Variants in KIAA2012 observed in about 807,000 individuals in gnomAD.
KIAA2012 encodes uncharacterized protein KIAA2012.
Under a neutral mutation model 150.6 loss-of-function variants are expected in KIAA2012, and 125 were observed. The ratio of observed to expected loss-of-function variants is 0.83; its 90% CI spans 0.72 to 0.96. The LOEUF (loss-of-function observed/expected upper bound fraction) is 0.96, where lower values mean the gene tolerates loss of function less well. Among genes scored for constraint, KIAA2012 ranks in the 40% least tolerant of loss-of-function variants. KIAA2012 has a pLI of 0.00. For synonymous variants in KIAA2012, 462 were observed against 504.7 expected (o/e 0.92, Z 1.13); for missense variants, 1,219 against 1,354.9 (o/e 0.90, Z 1.57).
In KIAA2012 at chr2:202,138,433, A is replaced by C. The variant is rs1344114960; in HGVS notation, c.1833A>C (p.Ala611=). 6.4e-7 allele frequency: 1 copy of C among 1,550,504 alleles called. No individual in the cohort carries two copies. Among genetic ancestry groups the C allele is most frequent in the Non-Finnish European group, 8.7e-7 (1 of 1,146,860 alleles). The change falls in exon 13 of 24, where the codon GCA becomes GCC. Residue 611 remains alanine (A), a splice_region_variant and synonymous_variant. Transcript: ENST00000498697. ...TTTCCTCTTTGATTTTCACTACAGCAAACACTGAACCTAGAGCCAATCTTC... is the reference window on the plus strand; with the variant it reads ...TTTCCTCTTTGATTTTCACTACAGCCAACACTGAACCTAGAGCCAATCTTC... The part of the protein sequence containing the change: ...EGPSSQHFLK[A]NTEPRANLHM...
At position 202,105,976 on chromosome 2, in the gene KIAA2012, A is replaced by G. The variant is rs141786471; in HGVS notation, c.1474+66A>G. 35 of 1,550,172 alleles carry G rather than the reference A, an allele frequency of 2.3e-5. 1 individual carries two copies. The East Asian group carries it at 8.3e-4, about 37-fold the overall frequency. Reference sequence around the variant, plus strand: ...TCTGAAGGGAAGCAAGGCAAGACACACAAGGGTCCACAGCCAAGGAAAAGG... The same window carrying G: ...TCTGAAGGGAAGCAAGGCAAGACACGCAAGGGTCCACAGCCAAGGAAAAGG... On this transcript the variant is annotated intron_variant, in intron 9 of 23. Transcript: ENST00000498697.
At chr2:202,162,473 C>G (rs1239143356) in intron 14 of KIAA2012, among the ~76,000 whole-genome samples, 1 of 151,734 alleles carries the variant, frequency 6.6e-6, no homozygotes, top group African/African-American at 2.4e-5. Context: ...CAGGATTTCA[C>G]CATGTTAGCC....
At chr2:202,081,029 A>G (rs959547748) in intron 2 of KIAA2012, among the ~76,000 whole-genome samples, 1 of 152,122 alleles carries the variant, frequency 6.6e-6, no homozygotes, top group Non-Finnish European at 1.5e-5. Context: ...CCCTGCAACC[A>G]TATTTCTGCT....
intron 19 of KIAA2012, among the ~76,000 whole-genome samples, chr2:202,190,839 C>CT (rs768500885): frequency 6.6e-4 from 101 of 152,194 alleles, no homozygotes; most frequent in Admixed American, 1.1e-3. Flanking sequence ...GCTGTCAGAG[C>CT]TGAGCATATT....
intron 22 of KIAA2012, among the ~76,000 whole-genome samples, chr2:202,199,055 T>C (rs1692464864): frequency 6.6e-6 from 1 of 152,152 alleles, no homozygotes; most frequent in Non-Finnish European, 1.5e-5. Context: ...GTTCCAACTT[T>C]CCACACGAGA....
intron 18 of KIAA2012, among the ~76,000 whole-genome samples, chr2:202,189,270 A>G (rs1399197476): frequency 6.7e-6 from 1 of 150,164 alleles, no homozygotes; most frequent in Non-Finnish European, 1.5e-5. Context: ...TCCTGCCCCC[A>G]CCATAAGTCA....
chr2:202,191,398 G>A (rs1199470132), intron 19 of KIAA2012, among the ~76,000 whole-genome samples: 1 of 151,752 alleles, frequency 6.6e-6, no homozygotes, highest in South Asian at 2.1e-4. Context: ...GCTGCAATTC[G>A]GCCGGATGCA....
intron 22 of KIAA2012, chr2:202,201,888 G>A: frequency 1.9e-6 from 2 of 1,080,296 alleles, no homozygotes; most frequent in Admixed American, 1.7e-5. Flanking sequence ...GCTGTTCATG[G>A]TGGCTGCAGG....
In KIAA2012 at chr2:202,167,940, TTATG is replaced by T. The variant is rs544903647; in HGVS notation, c.2119+2587_2119+2590del. 4.0e-3 allele frequency among the ~76,000 whole-genome samples: 606 copies of T among 152,166 alleles called. 2 individuals are homozygous for T. Among genetic ancestry groups the T allele is most frequent in the Non-Finnish European group, 6.8e-3 (465 of 67,980 alleles). On this transcript the variant is annotated intron_variant, in intron 15 of 23. Coordinates refer to ENST00000498697, the MANE Select transcript of KIAA2012 (RefSeq NM_001277372.4). ...GCATCATTGTGATCAAGAGTACTGA[TTATG>T]TAGTCTGATTCCCAGGGTTCAAGTT...
At chr2:202,173,697 C>T (rs1423188558) in intron 15 of KIAA2012, among the ~76,000 whole-genome samples, 1 of 152,128 alleles carries the variant, frequency 6.6e-6, no homozygotes, top group Middle Eastern at 3.2e-3. Flanking sequence ...TAACAATACA[C>T]ACAACTGAAT....
chr2:202,132,747 A>AGTATATATGTGTATATAT (rs1553556814), intron 12 of KIAA2012, among the ~76,000 whole-genome samples: 1 of 104,370 alleles, frequency 9.6e-6, no homozygotes, highest in African/African-American at 3.8e-5. Flanking sequence ...GTATATATAT[A>AGTATATATGTGTATATAT]GTATATATGT....
intron 2 of KIAA2012, among the ~76,000 whole-genome samples, chr2:202,076,487 A>G (rs1372180697): frequency 2.6e-5 from 4 of 152,224 alleles, no homozygotes; most frequent in South Asian, 2.1e-4. Context: ...TGAATGCCCA[A>G]TGCTCTTTAA....
intron 14 of KIAA2012, among the ~76,000 whole-genome samples, chr2:202,164,096 C>T (rs73992853): frequency 0.046 from 7,037 of 152,056 alleles, 562 homozygotes; most frequent in African/African-American, 0.16. Context: ...AGGGTAAACC[C>T]GGAGAGACTT....
intron 15 of KIAA2012, among the ~76,000 whole-genome samples, chr2:202,170,907 G>T (rs539125772): frequency 6.6e-6 from 1 of 152,140 alleles, no homozygotes; most frequent in Non-Finnish European, 1.5e-5. Context: ...GCAGGCCTTG[G>T]TATCCCTATT....
At chr2:202,180,795 A>G (rs1401468435) in intron 15 of KIAA2012, among the ~76,000 whole-genome samples, 1 of 152,234 alleles carries the variant, frequency 6.6e-6, no homozygotes, top group East Asian at 1.9e-4. Context: ...ACTGCACTCC[A>G]GCCTGGGCGA....
chr2:202,140,846 C>T lies in KIAA2012; in HGVS notation c.1908+2338C>T, dbSNP rs181167494. Among the ~76,000 whole-genome samples, 8 of 152,244 alleles carry T rather than the reference C, an allele frequency of 5.3e-5. No homozygotes were observed. In the East Asian group the frequency reaches 9.7e-4, roughly 18 times the overall value. ...ATCACAATACTGATCTTAGCAGCACCGTTCCTTTCCATCAGTTCCCCCACT... is the reference window on the plus strand; with the variant it reads ...ATCACAATACTGATCTTAGCAGCACTGTTCCTTTCCATCAGTTCCCCCACT... On this transcript the variant is annotated intron_variant, in intron 13 of 23. Transcript: ENST00000498697.
chr2:202,126,656 G>A (rs1690798802), intron 12 of KIAA2012, among the ~76,000 whole-genome samples: 1 of 140,980 alleles, frequency 7.1e-6, no homozygotes, highest in Non-Finnish European at 1.5e-5. Context: ...GGTGGTGGTG[G>A]TGACAGCTAC....
intron 12 of KIAA2012, among the ~76,000 whole-genome samples, chr2:202,130,860 T>C (rs1452244445): frequency 1.3e-5 from 2 of 151,990 alleles, no homozygotes; most frequent in East Asian, 3.9e-4. Context: ...GAGGTTGCAG[T>C]GAGCCAAGAT....
At chr2:202,185,692 C>G (rs1042094578) in intron 16 of KIAA2012, among the ~76,000 whole-genome samples, 12 of 151,756 alleles carry the variant, frequency 7.9e-5, no homozygotes, top group Non-Finnish European at 4.4e-5. Context: ...GCCTTTGTGA[C>G]TTAATTTCAG....
Sources: gnomAD v4.1 joint callset for allele counts (sites outside exome capture counted in the v4.1 genomes callset) on GRCh38, gnomAD v4.1.1 for gene constraint, MANE v1.5 for transcripts, NCBI Gene and HGNC (gene_info 2026-07-23, HGNC 2026-07-21) for gene names.